Variants in CHN1 observed in about 807,000 individuals in gnomAD.
The protein encoded by CHN1 is N-chimaerin.
A neutral mutation model predicts 59.5 loss-of-function variants in CHN1; 37 were observed. The ratio of observed to expected loss-of-function variants is 0.62; its 90% CI spans 0.48 to 0.82. CHN1 has a LOEUF of 0.82. Ranked by LOEUF, CHN1 falls within the 40% of genes least tolerant of loss-of-function variation. The pLI, the probability that CHN1 is intolerant of heterozygous loss-of-function variation, is 0.00. For missense variants in CHN1, 469 were observed against 571.0 expected, an observed-to-expected ratio of 0.82 and a Z score of 1.82; for synonymous variants, 206 against 200.4, an observed-to-expected ratio of 1.03 and a Z score of -0.24.
chr2:174,910,742 A>G (rs1027993067), intron 5 of CHN1, among the ~76,000 whole-genome samples: 3 of 152,096 alleles, frequency 2.0e-5, no homozygotes, highest in South Asian at 2.1e-4. Context: ...GAGAAAGTAG[A>G]TATCAAAATT....
At chr2:174,836,618 T>C (rs1409472543) in intron 7 of CHN1, among the ~76,000 whole-genome samples, 1 of 152,196 alleles carries the variant, frequency 6.6e-6, no homozygotes, top group Non-Finnish European at 1.5e-5. Context: ...GTGATTTCAT[T>C]TGACATTTAA....
At chr2:174,870,225 G>C (rs891938628) in intron 6 of CHN1, among the ~76,000 whole-genome samples, 14 of 152,214 alleles carry the variant, frequency 9.2e-5, no homozygotes, top group African/African-American at 3.4e-4. Context: ...GGGACATAAA[G>C]ACAAGGATAA....
At chr2:174,993,592 T>C (rs1367857820) in intron 1 of CHN1, among the ~76,000 whole-genome samples, 1 of 141,458 alleles carries the variant, frequency 7.1e-6, no homozygotes, top group Non-Finnish European at 1.5e-5. Flanking sequence ...AAAAAACACA[T>C]GACAGTGCTT....
intron 1 of CHN1, among the ~76,000 whole-genome samples, chr2:174,959,797 C>T (rs1690340724): frequency 6.6e-6 from 1 of 152,166 alleles, no homozygotes; most frequent in Admixed American, 6.5e-5. Context: ...ACCTCAGCCT[C>T]CCTGGTACAC....
intron 7 of CHN1, among the ~76,000 whole-genome samples, chr2:174,845,558 C>T (rs980365327): frequency 6.6e-6 from 1 of 152,048 alleles, no homozygotes; most frequent in East Asian, 1.9e-4. Context: ...TAAGTTGCCT[C>T]TATTTCATTT....
Position 174,799,392 on chromosome 2 carries a change from A to C in CHN1, c.*724T>G. On this transcript the variant is annotated 3_prime_UTR_variant, in exon 13 of 13. Coordinates refer to ENST00000409900, the MANE Select transcript of CHN1 (RefSeq NM_001822.7). ...CTTATGAGAAAAAAGTAAGCTATCA[A>C]TATTTTTTATTTCTAAAAGCCAATT... 2.3e-6 allele frequency: 1 copy of C among 430,362 alleles called. No homozygotes were observed. The allele number at this position is 430,362 out of a possible 1,614,324, so 26.7% of individuals were successfully genotyped here. A position where few individuals can be genotyped will look rare whatever the true frequency, so the allele number is the denominator to read the frequency against.
intron 5 of CHN1, among the ~76,000 whole-genome samples, chr2:174,892,850 G>A (rs1483128158): frequency 1.3e-5 from 2 of 151,888 alleles, no homozygotes; most frequent in Non-Finnish European, 2.9e-5. Context: ...ACAAAATGAA[G>A]GGCAAAAACC....
At chr2:174,834,688 T>C (rs1288072891) in intron 7 of CHN1, among the ~76,000 whole-genome samples, 1 of 152,188 alleles carries the variant, frequency 6.6e-6, no homozygotes, top group Non-Finnish European at 1.5e-5. Context: ...CTTTGTAAGA[T>C]GTGTGAGTAC....
At chr2:174,845,143 T>C (rs543903707) in intron 7 of CHN1, among the ~76,000 whole-genome samples, 99 of 152,300 alleles carry the variant, frequency 6.5e-4, no homozygotes, top group African/African-American at 2.3e-3. Context: ...AATTCTTGAA[T>C]AGACCTCCTA....
At chr2:174,944,474 T>A (rs1365307937) in intron 3 of CHN1, among the ~76,000 whole-genome samples, 3 of 152,218 alleles carry the variant, frequency 2.0e-5, no homozygotes, top group Non-Finnish European at 4.4e-5. Flanking sequence ...TCATACATCA[T>A]ATCTTTTTTT....
intron 5 of CHN1, among the ~76,000 whole-genome samples, chr2:174,893,894 A>C (rs1006288788): frequency 2.0e-5 from 3 of 152,190 alleles, no homozygotes; most frequent in African/African-American, 7.2e-5. Context: ...TCTCTTCAAC[A>C]AACAGTGTTG....
At chr2:174,807,375 C>T (rs1684917447) in intron 11 of CHN1, among the ~76,000 whole-genome samples, 1 of 151,776 alleles carries the variant, frequency 6.6e-6, no homozygotes, top group African/African-American at 2.4e-5. Flanking sequence ...TGGAAGCTTA[C>T]CCACTTTCAG....
intron 6 of CHN1, among the ~76,000 whole-genome samples, chr2:174,860,250 T>C (rs1574098351): frequency 3.3e-5 from 5 of 152,146 alleles, no homozygotes; most frequent in South Asian, 2.1e-4. Context: ...ATCCACCAAA[T>C]AGACATACAT....
chr2:174,999,267 G>T (rs1445245587), intron 1 of CHN1, among the ~76,000 whole-genome samples: 1 of 152,144 alleles, frequency 6.6e-6, no homozygotes, highest in African/African-American at 2.4e-5. Flanking sequence ...GCCTTGAATT[G>T]AGTTTGCACA....
chr2:174,952,092 T>C (rs1690040815), intron 2 of CHN1, 72 bp downstream of exon 2: 3 of 939,072 alleles, frequency 3.2e-6, no homozygotes, highest in Non-Finnish European at 4.4e-6. Flanking sequence ...AATGAGTATT[T>C]CTATCTAATA....
chr2:174,951,347 T>C (rs1331015574), intron 2 of CHN1, among the ~76,000 whole-genome samples: 3 of 152,206 alleles, frequency 2.0e-5, no homozygotes, highest in Non-Finnish European at 4.4e-5. Flanking sequence ...TGAATTGCTG[T>C]TCCTTCAGTC....
At chr2:174,823,383 G>T (rs1405354380) in intron 8 of CHN1, among the ~76,000 whole-genome samples, 1 of 152,206 alleles carries the variant, frequency 6.6e-6, no homozygotes, top group African/African-American at 2.4e-5. Flanking sequence ...AGTAGTTTGG[G>T]CTGGGTGCGG....
At chr2:174,948,944 T>C (rs1689931769) in intron 2 of CHN1, among the ~76,000 whole-genome samples, 1 of 152,208 alleles carries the variant, frequency 6.6e-6, no homozygotes, top group African/African-American at 2.4e-5. Context: ...TTGTCAATTA[T>C]CAATTCTAAA....
chr2:174,974,884 TA>T (rs1690871005), intron 1 of CHN1, among the ~76,000 whole-genome samples: 1 of 115,576 alleles, frequency 8.7e-6, no homozygotes, highest in South Asian at 2.6e-4. Flanking sequence ...AAACAGGCCA[TA>T]AGAAATAATT....
Sources: gnomAD v4.1 joint callset for allele counts (sites outside exome capture counted in the v4.1 genomes callset) on GRCh38, gnomAD v4.1.1 for gene constraint, MANE v1.5 for transcripts, NCBI Gene and HGNC (gene_info 2026-07-23, HGNC 2026-07-21) for gene names.